Variants in ANKRD30BL observed in about 807,000 individuals in gnomAD.
The protein encoded by ANKRD30BL is putative ankyrin repeat domain-containing protein 30B-like.
A neutral mutation model predicts 18.4 loss-of-function variants in ANKRD30BL; 20 were observed. The observed-to-expected ratio is 1.09, with a 90% CI of 0.77 to 1.58. ANKRD30BL has a LOEUF of 1.58. Ranked by LOEUF, ANKRD30BL falls within the 40% of genes most tolerant of loss-of-function variation. The pLI is 0.00. For missense variants in ANKRD30BL, 224 were observed against 268.6 expected, an observed-to-expected ratio of 0.83 and a Z score of 1.16; for synonymous variants, 72 against 100.9, an observed-to-expected ratio of 0.71 and a Z score of 1.72.
At chr2:132,166,432 G>C (rs115385013), upstream of ANKRD30BL, among the ~76,000 whole-genome samples, 14 of 151,766 alleles carry the variant, frequency 9.2e-5, no homozygotes, top group East Asian at 1.9e-4. Context: ...GGAAACATTG[G>C]GGGGGTGAGG....
intron 1 of ANKRD30BL, among the ~76,000 whole-genome samples, chr2:132,243,837 C>T (rs1169208434): frequency 6.6e-5 from 10 of 152,316 alleles, no homozygotes; most frequent in African/African-American, 2.2e-4. Flanking sequence ...TTTTGAAACA[C>T]TCTTTTTGTA....
At chr2:132,255,033 C>T (rs1680785883) in intron 1 of ANKRD30BL, among the ~76,000 whole-genome samples, 1 of 152,194 alleles carries the variant, frequency 6.6e-6, no homozygotes, top group African/African-American at 2.4e-5. Flanking sequence ...TGCAACCATA[C>T]TCCCCTCGGA....
intron 1 of ANKRD30BL, among the ~76,000 whole-genome samples, chr2:132,158,623 TAA>T (rs1687974854): frequency 1.3e-5 from 2 of 151,336 alleles, no homozygotes; most frequent in African/African-American, 4.8e-5. Context: ...ATCTTCTACA[TAA>T]TAGGCATTCA....
At chr2:132,178,467 A>G (rs962298215) in intron 1 of ANKRD30BL, among the ~76,000 whole-genome samples, 2 of 152,232 alleles carry the variant, frequency 1.3e-5, no homozygotes, top group African/African-American at 2.4e-5. Flanking sequence ...TGTTGGCTCT[A>G]TTCATGAAAC....
intron 1 of ANKRD30BL, among the ~76,000 whole-genome samples, chr2:132,169,894 A>G (rs568258719): frequency 6.6e-6 from 1 of 152,226 alleles, no homozygotes; most frequent in African/African-American, 2.4e-5. Flanking sequence ...TTCCTCTGAC[A>G]CTTACTTGAA....
At chr2:132,207,512 C>T (rs1225075354) in intron 1 of ANKRD30BL, among the ~76,000 whole-genome samples, 1 of 152,060 alleles carries the variant, frequency 6.6e-6, no homozygotes, top group Non-Finnish European at 1.5e-5. Flanking sequence ...ATAAGGTCCT[C>T]CACGTGAATT....
rs547831153 is a variant in ANKRD30BL at position 132,159,598 on chromosome 2, A to G, written c.218+1890T>C. Among the ~76,000 whole-genome samples, 23 of 152,308 alleles carry G rather than the reference A, an allele frequency of 1.5e-4. No individual in the cohort carries two copies. The East Asian group carries it at 4.2e-3, about 28-fold the overall frequency. On this transcript the variant is annotated intron_variant, in intron 1 of 5. Transcript: ENST00000409867. ...TTATATCTCTAACTTAAATTGCTCA[A>G]TTATAATTAGCGGGTTTTTTGTTGA...
intron 1 of ANKRD30BL, among the ~76,000 whole-genome samples, chr2:132,246,729 G>A (rs528620063): frequency 6.6e-6 from 1 of 152,040 alleles, no homozygotes; most frequent in Admixed American, 6.6e-5. Flanking sequence ...TCATAGAATA[G>A]TTGTGAAACA....
chr2:132,161,428 G>A, intron 1 of ANKRD30BL, 60 bp downstream of exon 1: 1 of 1,392,320 alleles, frequency 7.2e-7, no homozygotes. Context: ...ACTCTGAAGG[G>A]GCGATCCTCC....
chr2:132,233,575 C>A (rs202044549), intron 1 of ANKRD30BL, among the ~76,000 whole-genome samples: 190 of 149,302 alleles, frequency 1.3e-3, no homozygotes, highest in Non-Finnish European at 2.1e-3. Context: ...AACAAAGATC[C>A]AAAGAGACAA....
chr2:132,231,703 C>T (rs1026267287), intron 1 of ANKRD30BL, among the ~76,000 whole-genome samples: 117 of 152,156 alleles, frequency 7.7e-4, no homozygotes, highest in African/African-American at 2.4e-3. Context: ...CACGGAGTCT[C>T]GCTGATTGCT....
At chr2:132,166,440 AG>A (rs111738843), upstream of ANKRD30BL, among the ~76,000 whole-genome samples, 40 of 114,942 alleles carry the variant, frequency 3.5e-4, 1 homozygote, top group Admixed American at 2.1e-3. Flanking sequence ...TGGGGGGGTG[AG>A]GGGGGGTTAT....
intron 1 of ANKRD30BL, among the ~76,000 whole-genome samples, chr2:132,226,183 C>T (rs1303005042): frequency 6.6e-6 from 1 of 151,700 alleles, no homozygotes; most frequent in Non-Finnish European, 1.5e-5. Context: ...GGAATATCTT[C>T]TCATAAAAAC....
chr2:132,152,574 C>G (rs1399821031), intron 4 of ANKRD30BL: 2 of 152,084 alleles, frequency 1.3e-5, no homozygotes, highest in East Asian at 1.9e-4. Context: ...AGTTGGAACC[C>G]ACTACAACTT....
At chr2:132,171,552 T>C (rs1004860825) in intron 1 of ANKRD30BL, among the ~76,000 whole-genome samples, 3 of 152,250 alleles carry the variant, frequency 2.0e-5, no homozygotes, top group African/African-American at 4.8e-5. Flanking sequence ...AAAACTGCTC[T>C]GGAGTGCATT....
intron 1 of ANKRD30BL, among the ~76,000 whole-genome samples, chr2:132,209,176 T>C (rs1300462722): frequency 3.3e-5 from 5 of 151,850 alleles, no homozygotes; most frequent in African/African-American, 9.7e-5. Context: ...AAAGGAAATA[T>C]CTTCACATAA....
At chr2:132,242,417 T>TTTGC (rs766534174) in intron 1 of ANKRD30BL, among the ~76,000 whole-genome samples, 1 of 151,746 alleles carries the variant, frequency 6.6e-6, no homozygotes, top group South Asian at 2.1e-4. Flanking sequence ...CTCTATGATG[T>TTTGC]TTGCATTCAA....
chr2:132,168,137 A>G (rs1321388049), intron 1 of ANKRD30BL, among the ~76,000 whole-genome samples: 1 of 152,174 alleles, frequency 6.6e-6, no homozygotes, highest in Non-Finnish European at 1.5e-5. Context: ...TTTTTCTGAG[A>G]AAGTTTTCTA....
intron 4 of ANKRD30BL, among the ~76,000 whole-genome samples, chr2:132,151,918 G>A (rs1687767665): frequency 6.6e-6 from 1 of 152,074 alleles, no homozygotes; most frequent in Non-Finnish European, 1.5e-5. Context: ...CTTAAACTCT[G>A]AACCAACAAA....
Sources: gnomAD v4.1 joint callset for allele counts (sites outside exome capture counted in the v4.1 genomes callset) on GRCh38, gnomAD v4.1.1 for gene constraint, MANE v1.5 for transcripts, NCBI Gene and HGNC (gene_info 2026-07-23, HGNC 2026-07-21) for gene names.